DOCK1: variants seen among roughly 807,000 people sequenced by gnomAD.
The protein encoded by DOCK1 is dedicator of cytokinesis 1, also known as dedicator of cytokinesis protein 1.
Under a neutral mutation model 262.7 loss-of-function variants are expected in DOCK1, and 138 were observed. That is an observed-to-expected ratio of 0.53 (90% confidence interval 0.46 to 0.61). DOCK1 has a LOEUF of 0.61. Among genes scored for constraint, DOCK1 ranks in the 20% least tolerant of loss-of-function variants. The probability of loss-of-function intolerance (pLI) is 0.00; values close to 1 mark genes in which losing one functional copy is unlikely to be tolerated. For synonymous variants in DOCK1, 866 were observed against 867.4 expected (o/e 1.00, Z 0.03); for missense variants, 1,908 against 2,370.7 (o/e 0.80, Z 4.05).
At chr10:127,310,234 G>C (rs945805187) in intron 29 of DOCK1, among the ~76,000 whole-genome samples, 6 of 152,058 alleles carry the variant, frequency 3.9e-5, no homozygotes, top group African/African-American at 1.4e-4. Context: ...TTCTATGAAT[G>C]AGAGCCTGTT....
At position 127,445,805 on chromosome 10, in the gene DOCK1, C is replaced by T. The variant is rs565046468; in HGVS notation, c.5413+1526C>T. Among the ~76,000 whole-genome samples, 16 of 152,290 alleles carry T rather than the reference C, an allele frequency of 1.1e-4. No homozygotes were observed. In the South Asian group the frequency reaches 2.7e-3, roughly 26 times the overall value. The stretch of plus-strand genomic sequence containing the variant: ...CAAAATGTACGTCCAAAGAAATGTC[C>T]GTGCAATGGAATATTACCCAGCCGT... On this transcript the variant is annotated intron_variant, in intron 50 of 51. Coordinates refer to ENST00000623213, the MANE Select transcript of DOCK1 (RefSeq NM_001290223.2).
At position 126,911,159 on chromosome 10, in the gene DOCK1, C is replaced by G. The variant is rs548577564; in HGVS notation, c.46+5596C>G. Among the ~76,000 whole-genome samples the G allele has an allele frequency of 3.9e-5, 6 of 152,316 alleles. 1 individual carries two copies. Among genetic ancestry groups the G allele is most frequent in the South Asian group, 4.2e-4 (2 of 4,818 alleles). ...GTAACTGTGCCAGTTCACATTCTCA[C>G]CAGCAGTGTATATGTGATTGTAGAT... On this transcript the variant is annotated intron_variant, in intron 1 of 51. Coordinates refer to ENST00000623213, the MANE Select transcript of DOCK1 (RefSeq NM_001290223.2).
intron 13 of DOCK1, among the ~76,000 whole-genome samples, chr10:127,019,169 T>G (rs1445151050): frequency 6.6e-6 from 1 of 152,274 alleles, no homozygotes; most frequent in East Asian, 1.9e-4. Flanking sequence ...TGAAGCCCAC[T>G]TAGGGCAAAT....
At chr10:127,016,732 A>ATAGAT (rs2041921229) in intron 12 of DOCK1, among the ~76,000 whole-genome samples, 1 of 118,802 alleles carries the variant, frequency 8.4e-6, no homozygotes, top group Non-Finnish European at 1.8e-5. Flanking sequence ...ACACACACAC[A>ATAGAT]CCACACACAC....
chr10:126,921,026 G>A (rs1265442688), intron 1 of DOCK1, among the ~76,000 whole-genome samples: 5 of 152,044 alleles, frequency 3.3e-5, no homozygotes, highest in African/African-American at 9.6e-5. Flanking sequence ...GTGAAACCCC[G>A]TCTCTACTAA....
chr10:127,122,056 T>C (rs973662496), intron 25 of DOCK1, among the ~76,000 whole-genome samples: 30 of 152,326 alleles, frequency 2.0e-4, no homozygotes, highest in African/African-American at 6.0e-4. Context: ...TATTTCAGTG[T>C]TCCGATAACG....
intron 3 of DOCK1, 89 bp from the exon 4 acceptor site, chr10:126,981,829 T>C: frequency 1.5e-6 from 2 of 1,366,618 alleles, no homozygotes; most frequent in Admixed American, 4.6e-5. Flanking sequence ...TAGCCACCCC[T>C]CACCCCACCT....
intron 25 of DOCK1, among the ~76,000 whole-genome samples, chr10:127,117,743 T>G (rs534937309): frequency 2.4e-4 from 36 of 152,316 alleles, no homozygotes; most frequent in Admixed American, 6.5e-4. Context: ...CTGTGTTGGT[T>G]GTGCTGTATT....
chr10:127,308,387 C>T (rs1372062357), intron 29 of DOCK1, among the ~76,000 whole-genome samples: 1 of 152,172 alleles, frequency 6.6e-6, no homozygotes, highest in African/African-American at 2.4e-5. Flanking sequence ...GTTACACAGC[C>T]TTGACCAAGC....
At chr10:127,248,743 T>G (rs568723785) in intron 28 of DOCK1, among the ~76,000 whole-genome samples, 2 of 152,308 alleles carry the variant, frequency 1.3e-5, no homozygotes, top group South Asian at 4.1e-4. Context: ...CATGTTGACT[T>G]GAACTCTAAG....
chr10:127,265,866 C>T (rs2060333912), intron 29 of DOCK1, among the ~76,000 whole-genome samples: 1 of 152,214 alleles, frequency 6.6e-6, no homozygotes. Context: ...CTTGGAGATG[C>T]CAGTTCCTTA....
chr10:127,187,728 GAGAA>G lies in DOCK1; in HGVS notation c.2847+59980_2847+59983del, dbSNP rs199545105. Reference sequence around the variant, plus strand: ...CATTAAAAAACAAGGAGAAGAAAGAGAGAAAGAAAGAAAGAAAGAGAGAAAGAGA... The same window carrying G: ...CATTAAAAAACAAGGAGAAGAAAGAGAGAAAGAAAGAAAGAGAGAAAGAGA... On this transcript the variant is annotated intron_variant, in intron 27 of 51. Coordinates refer to ENST00000623213, the MANE Select transcript of DOCK1 (RefSeq NM_001290223.2). 6.9e-4 allele frequency among the ~76,000 whole-genome samples: 83 copies of G among 119,428 alleles called. 2 individuals are homozygous for G. The East Asian group carries it at 0.016, about 23-fold the overall frequency. The allele number at this position is 119,428 out of a possible 152,430, so 78.3% of individuals were successfully genotyped here. A position where few individuals can be genotyped will look rare whatever the true frequency, so the allele number is the denominator to read the frequency against.
chr10:127,352,426 A>T (rs59104649), intron 31 of DOCK1, among the ~76,000 whole-genome samples: 13,228 of 152,030 alleles, frequency 0.087, 1,378 homozygotes, highest in African/African-American at 0.25. Flanking sequence ...GAATTACCCA[A>T]ACCGCAAGTG....
At chr10:127,027,092 T>C (rs7072289) in intron 16 of DOCK1, among the ~76,000 whole-genome samples, 7,448 of 152,310 alleles carry the variant, frequency 0.049, 610 homozygotes, top group African/African-American at 0.17. Context: ...CTGAGACATA[T>C]TCATATTTGG....
At chr10:127,004,784 C>CCCCCCCCA (rs1554970531) in intron 10 of DOCK1, among the ~76,000 whole-genome samples, 8 of 98,488 alleles carry the variant, frequency 8.1e-5, no homozygotes, top group Non-Finnish European at 1.1e-4. Flanking sequence ...CCCCCCGCCC[C>CCCCCCCCA]AAAAAAAAGA....
chr10:127,385,477 C>T (rs1351253053), intron 38 of DOCK1, among the ~76,000 whole-genome samples: 3 of 152,042 alleles, frequency 2.0e-5, no homozygotes, highest in African/African-American at 2.4e-5. Context: ...AACCTGCCAC[C>T]GAAGTGACAT....
At chr10:127,297,078 G>T (rs2061528957) in intron 29 of DOCK1, among the ~76,000 whole-genome samples, 1 of 152,216 alleles carries the variant, frequency 6.6e-6, no homozygotes, top group African/African-American at 2.4e-5. Flanking sequence ...GTGTGCAGAG[G>T]AGGGGTGGGA....
At chr10:127,042,466 T>C (rs1263312636) in intron 19 of DOCK1, among the ~76,000 whole-genome samples, 159 bp from the exon 20 acceptor site, 2 of 152,122 alleles carry the variant, frequency 1.3e-5, no homozygotes, top group Non-Finnish European at 2.9e-5. Context: ...AAAATTTTTG[T>C]CTTGTGTATC....
intron 35 of DOCK1, among the ~76,000 whole-genome samples, chr10:127,377,986 A>G (rs1166358028): frequency 6.6e-6 from 1 of 152,070 alleles, no homozygotes; most frequent in Non-Finnish European, 1.5e-5. Flanking sequence ...CATCTCCTGC[A>G]AGGATGTCTG....
Sources: allele counts gnomAD v4.1 joint callset (sites outside exome capture counted in the v4.1 genomes callset), GRCh38; gene constraint gnomAD v4.1.1; transcripts MANE v1.5; gene names NCBI Gene and HGNC (gene_info 2026-07-23, HGNC 2026-07-21).